The following MGAT5 variants were observed in gnomAD, a reference collection of about 807,000 sequenced individuals.
The protein encoded by MGAT5 is alpha-1,6-mannosylglycoprotein 6-beta-N-acetylglucosaminyltransferase A.
A neutral mutation model predicts 94.3 loss-of-function variants in MGAT5; 30 were observed. The observed-to-expected ratio is 0.32, with a 90% CI of 0.24 to 0.43. The LOEUF (loss-of-function observed/expected upper bound fraction) is 0.43, where lower values mean the gene tolerates loss of function less well. MGAT5 is among the 20% of genes least tolerant of loss of function. The pLI is 1.00. For synonymous variants in MGAT5, 310 were observed against 322.9 expected (o/e 0.96, Z 0.43); for missense variants, 691 against 905.5 (o/e 0.76, Z 3.04).
intron 14 of MGAT5, among the ~76,000 whole-genome samples, chr2:134,439,614 G>A (rs548190736): frequency 7.4e-4 from 112 of 152,260 alleles, no homozygotes; most frequent in Admixed American, 3.3e-3. Flanking sequence ...GGAGAATTGC[G>A]TGAATCCAGG....
At chr2:134,430,525 A>G (rs1228662555) in intron 14 of MGAT5, among the ~76,000 whole-genome samples, 1 of 152,136 alleles carries the variant, frequency 6.6e-6, no homozygotes, top group Non-Finnish European at 1.5e-5. Flanking sequence ...CAATGAAGGA[A>G]GGAAGGGAGG....
At chr2:134,148,085 T>C (rs1291354347) in intron 1 of MGAT5, among the ~76,000 whole-genome samples, 1 of 152,242 alleles carries the variant, frequency 6.6e-6, no homozygotes, top group Admixed American at 6.5e-5. Context: ...TGGAAAAATA[T>C]TGTGATAACT....
intron 1 of MGAT5, among the ~76,000 whole-genome samples, chr2:134,224,249 G>A (rs944419262): frequency 3.9e-5 from 6 of 152,308 alleles, no homozygotes; most frequent in African/African-American, 1.2e-4. Context: ...TTCATGATCT[G>A]TGGGAAGTTT....
intron 2 of MGAT5, among the ~76,000 whole-genome samples, chr2:134,281,061 G>A (rs967931163): frequency 1.2e-4 from 19 of 152,190 alleles, no homozygotes; most frequent in African/African-American, 2.4e-5. Flanking sequence ...AGAACTCTGG[G>A]TCCACTTACA....
intron 10 of MGAT5, among the ~76,000 whole-genome samples, chr2:134,368,082 TCTC>T (rs1680549045): frequency 1.3e-5 from 2 of 152,302 alleles, no homozygotes; most frequent in African/African-American, 4.8e-5. Flanking sequence ...GGCTCTGACC[TCTC>T]CTCTTGGAGA....
At chr2:134,314,626 C>T (rs969734596) in intron 2 of MGAT5, among the ~76,000 whole-genome samples, 4 of 152,296 alleles carry the variant, frequency 2.6e-5, no homozygotes, top group South Asian at 4.2e-4. Flanking sequence ...CAGAGGAGGA[C>T]AGGATTCCTA....
At chr2:134,171,241 G>C (rs1315412710) in intron 1 of MGAT5, among the ~76,000 whole-genome samples, 1 of 152,022 alleles carries the variant, frequency 6.6e-6, no homozygotes, top group Non-Finnish European at 1.5e-5. Flanking sequence ...GAATCTATTT[G>C]AAAAAACAGG....
intron 2 of MGAT5, among the ~76,000 whole-genome samples, chr2:134,290,038 G>T (rs951336331): frequency 6.6e-6 from 1 of 152,148 alleles, no homozygotes; most frequent in African/African-American, 2.4e-5. Flanking sequence ...TAGAACTTGG[G>T]AGTGGTCCTG....
intron 1 of MGAT5, among the ~76,000 whole-genome samples, chr2:134,144,945 G>T (rs947612085): frequency 6.6e-6 from 1 of 152,160 alleles, no homozygotes; most frequent in African/African-American, 2.4e-5. Flanking sequence ...GGTCACGCTG[G>T]CCTGCTTGGT....
At chr2:134,371,530 GC>G (rs1474529319) in intron 10 of MGAT5, among the ~76,000 whole-genome samples, 1 of 152,182 alleles carries the variant, frequency 6.6e-6, no homozygotes, top group Non-Finnish European at 1.5e-5. Flanking sequence ...TGACAGCCCA[GC>G]CCAGATATGG....
intron 2 of MGAT5, among the ~76,000 whole-genome samples, chr2:134,275,695 GC>G (rs1558752679): frequency 1.4e-5 from 2 of 141,268 alleles, no homozygotes; most frequent in African/African-American, 5.3e-5. Flanking sequence ...ACCCCCTGCC[GC>G]CTCAGCCTTC....
chr2:134,273,122 C>A (rs928260057), intron 2 of MGAT5, among the ~76,000 whole-genome samples: 6 of 150,676 alleles, frequency 4.0e-5, no homozygotes, highest in African/African-American at 1.5e-4. Context: ...CTTCATTTCC[C>A]CCAGAAGGTG....
chr2:134,272,969 T>C (rs1436996918), intron 2 of MGAT5, among the ~76,000 whole-genome samples: 2 of 152,216 alleles, frequency 1.3e-5, no homozygotes, highest in Non-Finnish European at 2.9e-5. Context: ...GCTCTCAGGC[T>C]AATGTTTGTA....
At chr2:134,424,876 G>C (rs1322319985) in intron 13 of MGAT5, among the ~76,000 whole-genome samples, 1 of 152,176 alleles carries the variant, frequency 6.6e-6, no homozygotes, top group Non-Finnish European at 1.5e-5. Flanking sequence ...GCTTCTCTCT[G>C]TATGTATCTC....
intron 2 of MGAT5, among the ~76,000 whole-genome samples, chr2:134,293,479 A>AT (rs60621577): frequency 0.059 from 8,757 of 147,516 alleles, 551 homozygotes; most frequent in East Asian, 0.21. Context: ...TTTTATTTTT[A>AT]TTTTTTTGAG....
intron 15 of MGAT5, among the ~76,000 whole-genome samples, chr2:134,443,833 T>G (rs567979556): frequency 2.2e-4 from 33 of 152,324 alleles, no homozygotes; most frequent in Middle Eastern, 6.8e-3. Context: ...AGTTACAGAC[T>G]AGGGACTGTC....
At chr2:134,283,573 T>C (rs1005341177) in intron 2 of MGAT5, among the ~76,000 whole-genome samples, 4 of 151,458 alleles carry the variant, frequency 2.6e-5, no homozygotes, top group African/African-American at 4.9e-5. Flanking sequence ...ACAGTTTATA[T>C]AGGGTTCAAC....
chr2:134,142,200 G>A (rs925623809), intron 1 of MGAT5, among the ~76,000 whole-genome samples: 19 of 152,202 alleles, frequency 1.2e-4, no homozygotes, highest in African/African-American at 4.3e-4. Context: ...CTGAGCCTGA[G>A]AGGGGAAAGG....
At chr2:134,240,171 G>A (rs1222512295) in intron 1 of MGAT5, among the ~76,000 whole-genome samples, 4 of 151,978 alleles carry the variant, frequency 2.6e-5, no homozygotes, top group Non-Finnish European at 5.9e-5. Flanking sequence ...CTCTTCTTTT[G>A]TTTACTGCTT....
Sources: gnomAD v4.1 joint callset for allele counts (sites outside exome capture counted in the v4.1 genomes callset) on GRCh38, gnomAD v4.1.1 for gene constraint, MANE v1.5 for transcripts, NCBI Gene and HGNC (gene_info 2026-07-23, HGNC 2026-07-21) for gene names.